Variants in NXPH1 observed in about 807,000 individuals in gnomAD.
NXPH1 encodes neurexophilin 1.
In NXPH1, 5 loss-of-function variants were observed where a neutral mutation model predicts 23.7. The ratio of observed to expected loss-of-function variants is 0.21; its 90% CI spans 0.11 to 0.44. NXPH1 has a LOEUF of 0.44. NXPH1 is among the 20% of genes least tolerant of loss of function. The probability of loss-of-function intolerance (pLI) is 0.99; values close to 1 mark genes in which losing one functional copy is unlikely to be tolerated. For missense variants in NXPH1, 324 were observed against 321.6 expected (o/e 1.01, Z -0.06); for synonymous variants, 144 against 122.2 (o/e 1.18, Z -1.18).
rs188532238 is a variant in NXPH1, at chr7:8,653,315, A to G, written c.55-97693A>G. 2.0e-5 allele frequency among the ~76,000 whole-genome samples: 3 copies of G among 152,242 alleles called. No individual in the cohort carries two copies. In the East Asian group the frequency reaches 5.8e-4, roughly 29 times the overall value. ...CATCTAAGCCTCATAGACTACATAT[A>G]TTTTAGCAGTTTTGGTGGTGGAGTT... On this transcript the variant is annotated intron_variant, in intron 2 of 2. Transcript: ENST00000405863.
At chr7:8,701,201 C>A (rs777937295) in intron 2 of NXPH1, among the ~76,000 whole-genome samples, 1 of 152,086 alleles carries the variant, frequency 6.6e-6, no homozygotes, top group Non-Finnish European at 1.5e-5. Flanking sequence ...ATAACTCCTG[C>A]TTCTCTTCAA....
At chr7:8,605,399 C>T (rs936289940) in intron 2 of NXPH1, among the ~76,000 whole-genome samples, 3 of 152,048 alleles carry the variant, frequency 2.0e-5, no homozygotes, top group African/African-American at 7.2e-5. Flanking sequence ...CTCAAAGGGA[C>T]CAGATGCATT....
At chr7:8,723,991 TAATA>T (rs1412789232) in intron 2 of NXPH1, among the ~76,000 whole-genome samples, 1 of 152,226 alleles carries the variant, frequency 6.6e-6, no homozygotes, top group Non-Finnish European at 1.5e-5. Flanking sequence ...GTAGATAAGT[TAATA>T]AATAATCAAA....
chr7:8,528,706 C>T (rs1817903609), intron 2 of NXPH1, among the ~76,000 whole-genome samples: 1 of 152,196 alleles, frequency 6.6e-6, no homozygotes, highest in African/African-American at 2.4e-5. Context: ...AGGAAAACTG[C>T]ACATACTTGC....
At chr7:8,553,465 T>C (rs190949421) in intron 2 of NXPH1, among the ~76,000 whole-genome samples, 3 of 151,606 alleles carry the variant, frequency 2.0e-5, no homozygotes. Context: ...GCTTGTTGGA[T>C]TAAATATTAC....
intron 2 of NXPH1, among the ~76,000 whole-genome samples, chr7:8,645,161 A>C (rs1820376863): frequency 1.3e-5 from 2 of 152,164 alleles, no homozygotes; most frequent in African/African-American, 4.8e-5. Flanking sequence ...AATGCACACA[A>C]AGAATTCTTA....
At chr7:8,724,795 A>C (rs574319834) in intron 2 of NXPH1, among the ~76,000 whole-genome samples, 2 of 152,328 alleles carry the variant, frequency 1.3e-5, no homozygotes, top group African/African-American at 4.8e-5. Context: ...CTAAATCCAG[A>C]GGCCATCTTT....
intron 2 of NXPH1, among the ~76,000 whole-genome samples, chr7:8,747,615 C>T (rs1214082126): frequency 5.3e-5 from 8 of 152,178 alleles, no homozygotes; most frequent in Non-Finnish European, 1.0e-4. Flanking sequence ...CAATGGGAAA[C>T]TGTCTAGATA....
chr7:8,473,424 G>A (rs1227814203), intron 2 of NXPH1, among the ~76,000 whole-genome samples: 1 of 152,162 alleles, frequency 6.6e-6, no homozygotes, highest in Non-Finnish European at 1.5e-5. Context: ...ATGATAGTCA[G>A]CTGACATTGC....
intron 2 of NXPH1, among the ~76,000 whole-genome samples, chr7:8,474,767 C>G (rs1433778178): frequency 1.3e-5 from 2 of 152,104 alleles, no homozygotes; most frequent in East Asian, 3.9e-4. Context: ...TTTTTCATGT[C>G]TCTTTTTTCC....
rs199595338 is a variant in NXPH1 at position 8,748,709 on chromosome 7, G to GT, written c.55-2291dup. 2.5e-3 allele frequency among the ~76,000 whole-genome samples: 382 copies of GT among 152,186 alleles called. 2 individuals are homozygous for GT. The highest frequency in any genetic ancestry group is 8.5e-3 in the African/African-American group (351 of 41,520). On this transcript the variant is annotated intron_variant, in intron 2 of 2. Transcript: ENST00000405863. ...AGCTAGCAGCCTCAAAGAGTTCACA[G>GT]TTTTTTTTGTTAGCCTACCCAGAGT...
rs192316243 is a variant in NXPH1 at position 8,508,693 on chromosome 7, A to G, written c.54+72926A>G. Reference sequence around the variant, plus strand: ...ATCCTGGAGTTCAGAGGCTACAGCTATTTCTTCTATAACCCCAGTGTCTGG... The same window carrying G: ...ATCCTGGAGTTCAGAGGCTACAGCTGTTTCTTCTATAACCCCAGTGTCTGG... On this transcript the variant is annotated intron_variant, in intron 2 of 2. Transcript: ENST00000405863. 2.6e-5 allele frequency among the ~76,000 whole-genome samples: 4 copies of G among 152,020 alleles called. No individual in the cohort carries two copies. In the East Asian group the frequency reaches 7.8e-4, roughly 30 times the overall value.
At chr7:8,475,388 T>C (rs1019110620) in intron 2 of NXPH1, among the ~76,000 whole-genome samples, 2 of 152,060 alleles carry the variant, frequency 1.3e-5, no homozygotes, top group Non-Finnish European at 2.9e-5. Context: ...CTAAAATCAA[T>C]GGATAATTTG....
intron 2 of NXPH1, among the ~76,000 whole-genome samples, chr7:8,729,829 G>C (rs1239667319): frequency 4.6e-5 from 7 of 151,866 alleles, no homozygotes; most frequent in Admixed American, 4.6e-4. Flanking sequence ...GATTTGGGGT[G>C]GAGAGTTCTG....
intron 2 of NXPH1, among the ~76,000 whole-genome samples, chr7:8,682,050 G>A (rs1821061705): frequency 6.6e-6 from 1 of 152,216 alleles, no homozygotes; most frequent in African/African-American, 2.4e-5. Flanking sequence ...GAGCATGCCA[G>A]TGGAAGGGTC....
At chr7:8,498,698 G>A (rs965834896) in intron 2 of NXPH1, among the ~76,000 whole-genome samples, 1 of 152,024 alleles carries the variant, frequency 6.6e-6, no homozygotes, top group African/African-American at 2.4e-5. Context: ...ACAAACTTCA[G>A]CATGCTAGCA....
intron 2 of NXPH1, among the ~76,000 whole-genome samples, chr7:8,529,575 G>C (rs141664702): frequency 1.8e-3 from 277 of 152,258 alleles, no homozygotes; most frequent in African/African-American, 6.2e-3. Context: ...GGCAGGATCA[G>C]GCAGCCTGCA....
At position 8,652,287 on chromosome 7, in the gene NXPH1, C is replaced by T. The variant is rs1270510612; in HGVS notation, c.55-98721C>T. ...CCAATGCTACATTTTGATATAAACT[C>T]CCTGAAGTATTTAAATTTATGTGAA... On this transcript the variant is annotated intron_variant, in intron 2 of 2. Transcript: ENST00000405863. Among the ~76,000 whole-genome samples, 3 of 152,020 alleles carry T rather than the reference C, an allele frequency of 2.0e-5. No individual in the cohort carries two copies. In the East Asian group the frequency reaches 5.8e-4, roughly 29 times the overall value.
rs114302703 is a variant in NXPH1, at chr7:8,633,724, T to A, written c.55-117284T>A. On this transcript the variant is annotated intron_variant, in intron 2 of 2. Coordinates refer to ENST00000405863, the MANE Select transcript of NXPH1 (RefSeq NM_152745.3). ...GAATTCGTAATTTTTATACAGCCCA[T>A]GGTTCATCAAGCTGAACCTTGCATG... Among the ~76,000 whole-genome samples the A allele has an allele frequency of 2.9e-3, 447 of 152,342 alleles. 4 individuals carry two copies. Among genetic ancestry groups the A allele is most frequent in the African/African-American group, 0.01 (417 of 41,582 alleles).
Sources: allele counts gnomAD v4.1 joint callset (sites outside exome capture counted in the v4.1 genomes callset), GRCh38; gene constraint gnomAD v4.1.1; transcripts MANE v1.5; gene names NCBI Gene and HGNC (gene_info 2026-07-23, HGNC 2026-07-21).